The following PIP4K2A variants were observed in gnomAD, a reference collection of about 807,000 sequenced individuals.
The protein encoded by PIP4K2A is phosphatidylinositol-5-phosphate 4-kinase type 2 alpha.
PIP4K2A carries 14 observed loss-of-function variants against 42.9 expected under a neutral mutation model. The ratio of observed to expected loss-of-function variants is 0.33; its 90% confidence interval spans 0.22 to 0.51. PIP4K2A has a LOEUF of 0.51. Ranked by LOEUF, PIP4K2A falls within the 20% of genes least tolerant of loss-of-function variation. The pLI, the probability that PIP4K2A is intolerant of heterozygous loss-of-function variation, is 0.97. For missense variants in PIP4K2A, 434 were observed against 519.8 expected (o/e 0.83, Z 1.61); for synonymous variants, 192 against 192.2 (o/e 1.00, Z 0.01).
chr10:22,558,361 T>C (rs969793111), intron 6 of PIP4K2A, among the ~76,000 whole-genome samples: 1 of 152,182 alleles, frequency 6.6e-6, no homozygotes, highest in African/African-American at 2.4e-5. Flanking sequence ...GGGAAGGAAT[T>C]TTAGGTAATC....
At chr10:22,582,523 A>AT (rs1008555458) in intron 4 of PIP4K2A, among the ~76,000 whole-genome samples, 5 of 152,202 alleles carry the variant, frequency 3.3e-5, no homozygotes, top group African/African-American at 1.2e-4. Context: ...TGTTTCACTC[A>AT]TTTTTTAAAA....
intron 6 of PIP4K2A, among the ~76,000 whole-genome samples, chr10:22,565,119 T>C (rs898347606): frequency 6.6e-6 from 1 of 152,216 alleles, no homozygotes; most frequent in Non-Finnish European, 1.5e-5. Flanking sequence ...GCTGGGCTTG[T>C]TCTAGACATG....
chr10:22,709,197 C>A (rs892787462), intron 1 of PIP4K2A, among the ~76,000 whole-genome samples: 1 of 151,946 alleles, frequency 6.6e-6, no homozygotes, highest in Non-Finnish European at 1.5e-5. Context: ...ACCATCCAAA[C>A]TGCATTTGAA....
At chr10:22,600,451 A>T (rs559912385) in intron 3 of PIP4K2A, among the ~76,000 whole-genome samples, 1 of 152,210 alleles carries the variant, frequency 6.6e-6, no homozygotes, top group African/African-American at 2.4e-5. Context: ...CCCTCTCCTC[A>T]TGTTATGGAT....
chr10:22,614,656 A>G (rs1838135578), intron 1 of PIP4K2A, among the ~76,000 whole-genome samples: 1 of 152,210 alleles, frequency 6.6e-6, no homozygotes, highest in Non-Finnish European at 1.5e-5. Context: ...ATGAGCCTCT[A>G]TATTATTTTT....
chr10:22,582,497 A>C (rs1281563805), intron 4 of PIP4K2A, among the ~76,000 whole-genome samples: 1 of 152,218 alleles, frequency 6.6e-6, no homozygotes. Flanking sequence ...GCTTTCAGGA[A>C]TTGCTGTTAT....
intron 6 of PIP4K2A, among the ~76,000 whole-genome samples, chr10:22,554,106 A>G (rs571077222): frequency 2.0e-5 from 3 of 152,046 alleles, no homozygotes; most frequent in African/African-American, 4.8e-5. Flanking sequence ...GCGCCACTGC[A>G]CTCCAGCCTG....
rs529298430 is a variant in PIP4K2A at position 22,549,938 on chromosome 10, G to A, written c.792+721C>T. 2.0e-5 allele frequency among the ~76,000 whole-genome samples: 3 copies of A among 148,520 alleles called. No homozygotes were observed. In the South Asian group the frequency reaches 6.4e-4, roughly 32 times the overall value. The stretch of plus-strand genomic sequence containing the variant: ...GATTTATAAAAGACTTAAATAATGA[G>A]CAAATCCAATGGAAAAGCTGCAATG... On this transcript the variant is annotated intron_variant, in intron 7 of 9. Transcript: ENST00000376573.
At chr10:22,588,762 T>C (rs1342677158) in intron 4 of PIP4K2A, among the ~76,000 whole-genome samples, 1 of 152,188 alleles carries the variant, frequency 6.6e-6, no homozygotes, top group Non-Finnish European at 1.5e-5. Context: ...TAATTTATAT[T>C]AATAATGTGA....
intron 1 of PIP4K2A, among the ~76,000 whole-genome samples, chr10:22,662,280 A>G (rs1839217132): frequency 6.6e-6 from 1 of 152,136 alleles, no homozygotes; most frequent in Non-Finnish European, 1.5e-5. Flanking sequence ...ACTTACATCT[A>G]TCTTCCCACA....
intron 4 of PIP4K2A, among the ~76,000 whole-genome samples, chr10:22,585,986 C>CA (rs1837387243): frequency 6.6e-6 from 1 of 152,066 alleles, no homozygotes; most frequent in Non-Finnish European, 1.5e-5. Context: ...AAAATTCAGT[C>CA]GATTTAAGAT....
At chr10:22,683,413 G>T (rs948901367) in intron 1 of PIP4K2A, among the ~76,000 whole-genome samples, 1 of 152,164 alleles carries the variant, frequency 6.6e-6, no homozygotes, top group African/African-American at 2.4e-5. Context: ...CTGAGTCAGA[G>T]CCAGGTTTGA....
In PIP4K2A at chr10:22,536,728, A is replaced by AAC. The variant is rs1554791619; in HGVS notation, c.*472_*473insGT. The AAC allele has an allele frequency of 6.7e-6, 1 of 149,454 alleles. No homozygotes were observed. Among genetic ancestry groups the AAC allele is most frequent in the Non-Finnish European group, 1.5e-5 (1 of 67,400 alleles). 9.3% of individuals were successfully genotyped at this position (149,454 alleles called of 1,614,324 possible). On this transcript the variant is annotated 3_prime_UTR_variant, in exon 10 of 10. Transcript: ENST00000376573. ...TCTTTCAACTCCAAAAAAAAAAAAA[A>AAC]AAAAAAAAAACTGATCCACAGTTTG...
chr10:22,576,603 C>A (rs1837129687), intron 4 of PIP4K2A, among the ~76,000 whole-genome samples: 1 of 152,164 alleles, frequency 6.6e-6, no homozygotes, highest in South Asian at 2.1e-4. Context: ...AGTTATTCAA[C>A]CTCTTGGTCT....
At chr10:22,693,241 T>A (rs185027659) in intron 1 of PIP4K2A, among the ~76,000 whole-genome samples, 10 of 152,296 alleles carry the variant, frequency 6.6e-5, no homozygotes, top group African/African-American at 1.9e-4. Context: ...TGTGAAAAAT[T>A]TTATGGTAAA....
At chr10:22,542,191 T>TA in intron 7 of PIP4K2A, 144 bp from the exon 8 acceptor site, 1 of 653,652 alleles carries the variant, frequency 1.5e-6, no homozygotes, top group South Asian at 1.9e-5. Context: ...ACGATGCTCT[T>TA]ACACTCCTGG....
intron 6 of PIP4K2A, among the ~76,000 whole-genome samples, chr10:22,562,925 G>A (rs1836748057): frequency 6.6e-6 from 1 of 152,168 alleles, no homozygotes; most frequent in South Asian, 2.1e-4. Flanking sequence ...TATCCCCAGG[G>A]AAATCGCTGG....
intron 1 of PIP4K2A, chr10:22,694,682 T>C (rs1162316237): frequency 6.6e-6 from 1 of 152,182 alleles, no homozygotes; most frequent in Non-Finnish European, 1.5e-5. Flanking sequence ...TTTTAAGAAG[T>C]GCAAGAAAAT....
intron 1 of PIP4K2A, among the ~76,000 whole-genome samples, chr10:22,665,605 C>CTTT (rs34262297): frequency 2.6e-5 from 3 of 115,002 alleles, no homozygotes; most frequent in Admixed American, 9.5e-5. Flanking sequence ...CCACACCTGG[C>CTTT]TTTTTTTTTT....
Sources: allele counts gnomAD v4.1 joint callset (sites outside exome capture counted in the v4.1 genomes callset), GRCh38; gene constraint gnomAD v4.1.1; transcripts MANE v1.5; gene names NCBI Gene and HGNC (gene_info 2026-07-23, HGNC 2026-07-21).